Variants in DNAH8 observed in about 807,000 individuals in gnomAD.
DNAH8 encodes the protein axonemal beta dynein heavy chain 8.
A neutral mutation model predicts 562.1 loss-of-function variants in DNAH8; 382 were observed. The observed-to-expected ratio is 0.68, with a 90% confidence interval of 0.63 to 0.74. The LOEUF (loss-of-function observed/expected upper bound fraction) is 0.74. DNAH8 is among the 30% of genes least tolerant of loss of function. The probability of loss-of-function intolerance (pLI) is 0.00; values close to 1 mark genes in which losing one functional copy is unlikely to be tolerated. For synonymous variants in DNAH8, 1,881 were observed against 1,919.4 expected (o/e 0.98, Z 0.52); for missense variants, 5,203 against 5,620.4 (o/e 0.93, Z 2.37).
At chr6:38,919,491 G>A (rs1397404257) in intron 70 of DNAH8, among the ~76,000 whole-genome samples, 1 of 152,048 alleles carries the variant, frequency 6.6e-6, no homozygotes, top group Non-Finnish European at 1.5e-5. Flanking sequence ...GCAGTCCCGA[G>A]TAGGCATAAA....
chr6:38,909,568 A>C lies in DNAH8; in HGVS notation c.9564A>C (p.Ser3188=), dbSNP rs776121397. The change falls in exon 65 of 93, where the codon TCA becomes TCC. Residue 3188 remains serine (S), a synonymous_variant. Transcript: ENST00000327475. ...ARSLKFPGLI[S]GCTMDWFSRW... is the part of the protein sequence containing the mutation. ...CTTTGAAATTTCCTGGCTTGATATCAGGTTGCACTATGGACTGGTTCAGCC... is the reference window on the plus strand; with the variant it reads ...CTTTGAAATTTCCTGGCTTGATATCCGGTTGCACTATGGACTGGTTCAGCC... 5.0e-6 allele frequency: 8 copies of C among 1,614,132 alleles called. No individual in the cohort carries two copies. In the South Asian group the frequency reaches 8.8e-5, roughly 18 times the overall value.
chr6:38,949,609 T>C (rs746504145), intron 81 of DNAH8, 39 bp downstream of exon 81: 7 of 1,153,720 alleles, frequency 6.1e-6, no homozygotes, highest in Admixed American at 1.9e-5. Context: ...GCATCACTCA[T>C]AATATTGCTA....
intron 91 of DNAH8, among the ~76,000 whole-genome samples, chr6:39,020,780 A>C (rs1766866512): frequency 6.6e-6 from 1 of 151,922 alleles, no homozygotes; most frequent in African/African-American, 2.4e-5. Flanking sequence ...TTGGTTTTCT[A>C]TTCCTGTGTT....
chr6:38,795,395 C>T (rs1013661595), intron 21 of DNAH8, among the ~76,000 whole-genome samples: 2 of 151,966 alleles, frequency 1.3e-5, no homozygotes, highest in Non-Finnish European at 2.9e-5. Flanking sequence ...CTGGCAAACA[C>T]GGTGAAACCC....
rs1767572416 is a variant in DNAH8, at chr6:39,030,154, G to A, written c.13886G>A (p.Arg4629Lys). 1.2e-6 allele frequency: 2 copies of A among 1,614,088 alleles called. No homozygotes were observed. ...TACATGGATGGAGCAGCCTGGGACA[G>A]ACGGAATGGGAAGCTCATGGAATCC... Reference protein sequence around the residue: ...GLYMDGAAWDRRNGKLMESTP... With the variant: ...GLYMDGAAWDKRNGKLMESTP... The change falls in exon 93 of 93, where the codon AGA becomes AAA. Residue 4629 changes from arginine (R) to lysine (K), a missense_variant. Arg to Lys is a conservative substitution (Grantham distance 26). Transcript: ENST00000327475.
intron 28 of DNAH8, among the ~76,000 whole-genome samples, chr6:38,824,481 T>C (rs1773140290): frequency 1.3e-5 from 2 of 152,182 alleles, no homozygotes; most frequent in African/African-American, 4.8e-5. Flanking sequence ...GGTTTGGGTT[T>C]AAAGCTGGTT....
intron 88 of DNAH8, among the ~76,000 whole-genome samples, chr6:38,996,584 A>G (rs1765145958): frequency 6.6e-6 from 1 of 152,208 alleles, no homozygotes; most frequent in Non-Finnish European, 1.5e-5. Context: ...CATGATGACT[A>G]ATCGACACCT....
intron 32 of DNAH8, among the ~76,000 whole-genome samples, chr6:38,835,661 G>T (rs922899665): frequency 6.6e-6 from 1 of 152,126 alleles, no homozygotes; most frequent in Non-Finnish European, 1.5e-5. Context: ...AACTAGTAGG[G>T]CAATATGGGG....
chr6:38,887,399 A>T (rs376625645), intron 57 of DNAH8, among the ~76,000 whole-genome samples: 3 of 152,356 alleles, frequency 2.0e-5, no homozygotes, highest in African/African-American at 7.2e-5. Context: ...TGTAACATCG[A>T]ATCACATAAA....
intron 11 of DNAH8, among the ~76,000 whole-genome samples, chr6:38,768,081 T>G (rs1402726919): frequency 6.6e-6 from 1 of 152,198 alleles, no homozygotes; most frequent in African/African-American, 2.4e-5. Flanking sequence ...TTTCATATGC[T>G]TATTGGCCCT....
At position 38,750,538 on chromosome 6, in the gene DNAH8, A is replaced by T. The variant is rs943639840; in HGVS notation, c.1356A>T (p.Arg452Ser). 35 of 1,612,010 alleles carry T rather than the reference A, an allele frequency of 2.2e-5. No individual in the cohort carries two copies. In the Middle Eastern group the frequency reaches 9.9e-4, roughly 45 times the overall value. ...CAAATGAATCCAAAGATAATGTCAGATATTTGTATACTTTGGAAAAAGTGT... is the reference window on the plus strand; with the variant it reads ...CAAATGAATCCAAAGATAATGTCAGTTATTTGTATACTTTGGAAAAAGTGT... ...DTANESKDNV[R>S]YLYTLEKVCQ... Residue 452 changes from arginine (R) to serine (S), a missense_variant, in exon 9 of 93, where the codon AGA becomes AGT. Coordinates refer to ENST00000327475, the MANE Select transcript of DNAH8 (RefSeq NM_001206927.2).
At position 38,883,011 on chromosome 6, in the gene DNAH8, A is replaced by G; in HGVS notation, c.7960A>G (p.Arg2654Gly). The G allele has an allele frequency of 1.2e-6, 2 of 1,603,440 alleles. No homozygotes were observed. The highest frequency in any genetic ancestry group is 1.7e-6 in the Non-Finnish European group (2 of 1,176,412). The change falls in exon 54 of 93, where the codon AGA (arginine) becomes GGA (glycine). Residue 2654 changes from arginine (R) to glycine (G), a missense_variant. Physicochemically the swap from Arg to Gly is moderately radical, Grantham distance 125. This residue lies in a region of DNAH8 where 977 missense variants were observed against 1,061.8 expected (regional missense o/e 0.92). Transcript: ENST00000327475. ...TTTGGTTCCAAATGTTGACAATATT[A>G]GAACAAATTTTTTGATAGACACCAT... The part of the protein sequence containing the change: ...SILVPNVDNI[R>G]TNFLIDTIAK...
intron 80 of DNAH8, among the ~76,000 whole-genome samples, chr6:38,948,775 C>G (rs1761638671): frequency 6.6e-6 from 1 of 152,186 alleles, no homozygotes; most frequent in African/African-American, 2.4e-5. Flanking sequence ...CTTTTAATGC[C>G]TCTGAAAACC....
At chr6:38,929,119 AG>A (rs892514709) in intron 74 of DNAH8, among the ~76,000 whole-genome samples, 2 of 152,130 alleles carry the variant, frequency 1.3e-5, no homozygotes, top group African/African-American at 4.8e-5. Context: ...CTCATCTTGT[AG>A]GGGTCCTGAG....
chr6:39,018,472 G>A (rs540741888), intron 91 of DNAH8, among the ~76,000 whole-genome samples: 1 of 152,102 alleles, frequency 6.6e-6, no homozygotes, highest in Non-Finnish European at 1.5e-5. Flanking sequence ...TGCTCTTCTC[G>A]GCAACTTCTG....
At chr6:38,849,287 T>A (rs1031641976) in intron 37 of DNAH8, among the ~76,000 whole-genome samples, 18 of 152,116 alleles carry the variant, frequency 1.2e-4, no homozygotes, top group Non-Finnish European at 2.4e-4. Flanking sequence ...TAATCTATAT[T>A]CTGTAAGCAC....
intron 41 of DNAH8, among the ~76,000 whole-genome samples, chr6:38,855,129 A>T (rs9380789): frequency 0.41 from 61,656 of 151,230 alleles, 13,808 homozygotes; most frequent in East Asian, 0.84. Flanking sequence ...TGAAATCTCT[A>T]ACTATCAAGT....
intron 80 of DNAH8, among the ~76,000 whole-genome samples, chr6:38,948,254 G>T (rs1316588886): frequency 6.6e-6 from 1 of 152,168 alleles, no homozygotes; most frequent in African/African-American, 2.4e-5. Flanking sequence ...TAATCCTCAG[G>T]TCTGGCATAG....
At chr6:38,955,414 TGAG>T (rs1363416909) in intron 82 of DNAH8, among the ~76,000 whole-genome samples, 1 of 152,064 alleles carries the variant, frequency 6.6e-6, no homozygotes, top group African/African-American at 2.4e-5. Flanking sequence ...GTGGATCATC[TGAG>T]GTCAGGAGTT....
Sources: allele counts gnomAD v4.1 joint callset (sites outside exome capture counted in the v4.1 genomes callset), GRCh38; gene constraint gnomAD v4.1.1; regional missense constraint gnomAD v4.1.1; transcripts MANE v1.5; gene names NCBI Gene and HGNC (gene_info 2026-07-23, HGNC 2026-07-21).